Variants in PXDNL observed in about 807,000 individuals in gnomAD.
The protein encoded by PXDNL is peroxidasin like.
PXDNL carries 145 observed loss-of-function variants against 150.8 expected under a neutral mutation model. The observed-to-expected ratio is 0.96, with a 90% CI of 0.84 to 1.10. The LOEUF is 1.10. Among genes scored for constraint, PXDNL ranks in the 50% least tolerant of loss-of-function variants. The pLI is 0.00. For missense variants in PXDNL, 2,087 were observed against 1,873.9 expected, an observed-to-expected ratio of 1.11 and a Z score of -2.10; for synonymous variants, 757 against 725.7, an observed-to-expected ratio of 1.04 and a Z score of -0.69.
chr8:51,713,647 G>C (rs1816545814), intron 1 of PXDNL, among the ~76,000 whole-genome samples: 1 of 151,994 alleles, frequency 6.6e-6, no homozygotes, highest in African/African-American at 2.4e-5. Context: ...TAAAAGACTT[G>C]GTTAGTCAAA....
chr8:51,771,935 C>T (rs2037299822), intron 1 of PXDNL, among the ~76,000 whole-genome samples: 1 of 149,526 alleles, frequency 6.7e-6, no homozygotes, highest in Admixed American at 6.6e-5. Context: ...GGTTCTCTGA[C>T]ACAACACGAT....
intron 1 of PXDNL, among the ~76,000 whole-genome samples, chr8:51,663,484 G>A (rs1248832953): frequency 6.6e-6 from 1 of 152,008 alleles, no homozygotes; most frequent in African/African-American, 2.4e-5. Context: ...TTCCTCTAAT[G>A]AACTGACATT....
intron 12 of PXDNL, among the ~76,000 whole-genome samples, chr8:51,444,464 A>C (rs1455325130): frequency 1.3e-5 from 2 of 152,262 alleles, no homozygotes; most frequent in African/African-American, 4.8e-5. Context: ...TGATATTAAA[A>C]GAATTAATTC....
intron 1 of PXDNL, among the ~76,000 whole-genome samples, chr8:51,740,672 G>C (rs1287180813): frequency 6.6e-6 from 1 of 151,824 alleles, no homozygotes; most frequent in Non-Finnish European, 1.5e-5. Flanking sequence ...CTTTTTAATG[G>C]GGTTGTTTTT....
At position 51,408,729 on chromosome 8, in the gene PXDNL, C is replaced by T. The variant is rs1808517811; in HGVS notation, c.2895G>A (p.Leu965=). ...ACAGGGTGTGCATGGCGGCCAGAGC[C>T]AGATGCTCGTTGGCCCGGTGGTCCC... ...LAGDHRANEH[L]ALAAMHTLWF... is the part of the protein sequence containing the mutation. The change falls in exon 17 of 23, where the codon CTG becomes CTA. Residue 965 remains leucine (L), a synonymous_variant. Coordinates refer to ENST00000356297, the MANE Select transcript of PXDNL (RefSeq NM_144651.5). The T allele has an allele frequency of 1.9e-6, 3 of 1,590,964 alleles. No homozygotes were observed. Among genetic ancestry groups the T allele is most frequent in the East Asian group, 4.6e-5 (2 of 43,836 alleles).
chr8:51,534,882 G>A (rs1268531271), intron 4 of PXDNL, among the ~76,000 whole-genome samples: 12 of 106,734 alleles, frequency 1.1e-4, no homozygotes, highest in Admixed American at 6.5e-4. Flanking sequence ...CGCCCCGTCC[G>A]GGAGGTGAGG....
chr8:51,694,740 G>C (rs116158292), intron 1 of PXDNL, among the ~76,000 whole-genome samples: 22 of 152,302 alleles, frequency 1.4e-4, no homozygotes, highest in African/African-American at 5.1e-4. Flanking sequence ...ACATAACAAG[G>C]CAAGATTAGA....
chr8:51,563,687 A>G (rs1016441251), intron 3 of PXDNL, among the ~76,000 whole-genome samples: 2 of 151,980 alleles, frequency 1.3e-5, no homozygotes, highest in African/African-American at 4.8e-5. Flanking sequence ...TTACAAAAAA[A>G]TTATTTTTTG....
chr8:51,697,512 AC>A (rs1180921193), intron 1 of PXDNL, among the ~76,000 whole-genome samples: 1 of 152,218 alleles, frequency 6.6e-6, no homozygotes, highest in Admixed American at 6.5e-5. Flanking sequence ...AGCCAAGGCC[AC>A]AGTTCCCAGT....
intron 8 of PXDNL, 131 bp from the exon 9 acceptor site, chr8:51,457,798 A>G (rs1809969563): frequency 1.7e-6 from 1 of 584,310 alleles, no homozygotes. Context: ...TTTTATCTGA[A>G]TAATTTTAAT....
At chr8:51,507,516 G>A (rs1811319941) in intron 4 of PXDNL, among the ~76,000 whole-genome samples, 1 of 152,174 alleles carries the variant, frequency 6.6e-6, no homozygotes, top group Admixed American at 6.5e-5. Flanking sequence ...AAGGTGATTT[G>A]AACTTTACCT....
intron 19 of PXDNL, among the ~76,000 whole-genome samples, chr8:51,352,505 G>T (rs1390051427): frequency 6.6e-6 from 1 of 152,110 alleles, no homozygotes; most frequent in African/African-American, 2.4e-5. Context: ...CCCCCATGCT[G>T]TTCTCATGAT....
chr8:51,544,764 A>C (rs1317567651), intron 4 of PXDNL, among the ~76,000 whole-genome samples: 1 of 152,214 alleles, frequency 6.6e-6, no homozygotes, highest in South Asian at 2.1e-4. Context: ...GTGAATATTT[A>C]TATCTGTAGC....
chr8:51,351,219 G>A (rs1309356203), intron 19 of PXDNL, among the ~76,000 whole-genome samples: 1 of 152,172 alleles, frequency 6.6e-6, no homozygotes, highest in Non-Finnish European at 1.5e-5. Flanking sequence ...AAATTCATAT[G>A]TTGAAATTCT....
At chr8:51,686,699 A>C (rs1288645018) in intron 1 of PXDNL, among the ~76,000 whole-genome samples, 1 of 152,244 alleles carries the variant, frequency 6.6e-6, no homozygotes, top group African/African-American at 2.4e-5. Context: ...AGTTAAATCT[A>C]ACTCAAAAAA....
chr8:51,751,307 T>C (rs2037043618), intron 1 of PXDNL, among the ~76,000 whole-genome samples: 1 of 152,206 alleles, frequency 6.6e-6, no homozygotes, highest in Non-Finnish European at 1.5e-5. Flanking sequence ...TATATCACTA[T>C]TAAAGATCAT....
intron 2 of PXDNL, among the ~76,000 whole-genome samples, chr8:51,619,614 C>G (rs1191794181): frequency 6.6e-6 from 1 of 152,184 alleles, no homozygotes; most frequent in Admixed American, 6.5e-5. Flanking sequence ...TGTGGCACCT[C>G]CCCGCTTTCT....
At chr8:51,323,839 C>T (rs1364706750) in intron 21 of PXDNL, among the ~76,000 whole-genome samples, 1 of 151,468 alleles carries the variant, frequency 6.6e-6, no homozygotes, top group Admixed American at 6.6e-5. Flanking sequence ...TCATTTGAAC[C>T]CAAGAGGTAG....
At chr8:51,358,458 G>A (rs1586031071) in intron 19 of PXDNL, among the ~76,000 whole-genome samples, 1 of 152,114 alleles carries the variant, frequency 6.6e-6, no homozygotes, top group Non-Finnish European at 1.5e-5. Flanking sequence ...TACATTCCTG[G>A]CCCCCATAAT....
Sources: allele counts gnomAD v4.1 joint callset (sites outside exome capture counted in the v4.1 genomes callset), GRCh38; gene constraint gnomAD v4.1.1; transcripts MANE v1.5; gene names NCBI Gene and HGNC (gene_info 2026-07-23, HGNC 2026-07-21).